The following DAGLB variants were observed in gnomAD, a reference collection of about 807,000 sequenced individuals.
DAGLB encodes the protein diacylglycerol lipase-beta.
In DAGLB, 66 loss-of-function variants were observed where a neutral mutation model predicts 72.1. That is an observed-to-expected ratio of 0.92 (90% confidence interval 0.75 to 1.12). DAGLB has a LOEUF of 1.12. DAGLB is among the 50% of genes most tolerant of loss of function. The probability of loss-of-function intolerance (pLI) is 0.00; values close to 1 mark genes in which losing one functional copy is unlikely to be tolerated. For missense variants in DAGLB, 1,065 were observed against 884.9 expected (o/e 1.20, Z -2.58); for synonymous variants, 414 against 359.5 (o/e 1.15, Z -1.71).
At chr7:6,440,801 G>A (rs539865870) in intron 2 of DAGLB, among the ~76,000 whole-genome samples, 108 of 152,092 alleles carry the variant, frequency 7.1e-4, no homozygotes, top group African/African-American at 2.2e-3. Flanking sequence ...CCTGGGAGGC[G>A]GAGGTTGCAG....
intron 9 of DAGLB, among the ~76,000 whole-genome samples, chr7:6,418,342 C>T (rs1783985766): frequency 6.6e-6 from 1 of 151,874 alleles, no homozygotes; most frequent in Non-Finnish European, 1.5e-5. Context: ...GCACTCCAGC[C>T]TGGGTGGCAC....
chr7:6,428,315 CAAAA>C (rs749361631), intron 6 of DAGLB, among the ~76,000 whole-genome samples: 2 of 77,012 alleles, frequency 2.6e-5, no homozygotes, highest in Non-Finnish European at 5.1e-5. Flanking sequence ...GACTCTGTCT[CAAAA>C]AAAAAAAAAA....
chr7:6,446,725 T>A (rs1036545716), intron 1 of DAGLB, among the ~76,000 whole-genome samples: 3 of 150,110 alleles, frequency 2.0e-5, no homozygotes, highest in African/African-American at 7.3e-5. Context: ...ATAAAAGATC[T>A]AGGCCCGGCA....
At chr7:6,415,429 G>A (rs964433050) in intron 11 of DAGLB, among the ~76,000 whole-genome samples, 1 of 151,820 alleles carries the variant, frequency 6.6e-6, no homozygotes, top group African/African-American at 2.4e-5. Flanking sequence ...ACAGGCATGA[G>A]CCACCACGCC....
intron 1 of DAGLB, among the ~76,000 whole-genome samples, chr7:6,447,023 G>A (rs1413787660): frequency 1.3e-5 from 2 of 152,082 alleles, no homozygotes; most frequent in South Asian, 2.1e-4. Flanking sequence ...AAAATAAAAA[G>A]AAAAGGGGTC....
intron 5 of DAGLB, among the ~76,000 whole-genome samples, chr7:6,431,413 C>A (rs1784485166): frequency 6.6e-6 from 1 of 152,162 alleles, no homozygotes; most frequent in African/African-American, 2.4e-5. Flanking sequence ...GTCCCCATCC[C>A]AGGAGGAATT....
intron 6 of DAGLB, among the ~76,000 whole-genome samples, chr7:6,426,677 G>A (rs901559798): frequency 1.3e-5 from 2 of 152,190 alleles, no homozygotes; most frequent in Non-Finnish European, 2.9e-5. Context: ...TCATCAACAA[G>A]GATGGGCAAG....
At chr7:6,432,766 G>A in intron 5 of DAGLB, 71 bp downstream of exon 5, 3 of 1,538,680 alleles carry the variant, frequency 1.9e-6, no homozygotes, top group Non-Finnish European at 1.7e-6. Flanking sequence ...CTATAGGTTA[G>A]CTGTATGATT....
At chr7:6,428,315 CAAAAAAAAA>C (rs749361631) in intron 6 of DAGLB, among the ~76,000 whole-genome samples, 1 of 77,014 alleles carries the variant, frequency 1.3e-5, no homozygotes, top group African/African-American at 4.8e-5. Flanking sequence ...GACTCTGTCT[CAAAAAAAAA>C]AAAAAAAAAA....
At chr7:6,444,033 G>T (rs372486842) in intron 2 of DAGLB, among the ~76,000 whole-genome samples, 1 of 152,148 alleles carries the variant, frequency 6.6e-6, no homozygotes, top group East Asian at 1.9e-4. Flanking sequence ...TTGGGAGACC[G>T]AGACGAGAGG....
intron 2 of DAGLB, among the ~76,000 whole-genome samples, chr7:6,440,050 T>C (rs1324697941): frequency 1.0e-4 from 9 of 86,312 alleles, no homozygotes; most frequent in Admixed American, 7.4e-4. Flanking sequence ...AGACTCTGTC[T>C]CAAAAAAAAA....
Position 6,434,965 on chromosome 7 carries a change from C to G in DAGLB, c.475G>C (p.Gly159Arg). Reference sequence around the variant, plus strand: ...GAGGAATATGGAGCCATTTTCCCCCCAAGAGGGTCAAAGACAATGATAATG... The same window carrying G: ...GAGGAATATGGAGCCATTTTCCCCCGAAGAGGGTCAAAGACAATGATAATG... ...VSIIIVFDPLGGKMAPYSSAG... is the reference protein window; with the variant it reads ...VSIIIVFDPLRGKMAPYSSAG... The change falls in exon 4 of 15, where the codon GGG becomes CGG. Residue 159 changes from glycine to arginine, a missense_variant. Gly to Arg is a moderately radical substitution (Grantham distance 125). Coordinates refer to ENST00000297056, the MANE Select transcript of DAGLB (RefSeq NM_139179.4). The G allele has an allele frequency of 1.2e-6, 2 of 1,614,068 alleles. No homozygotes were observed. Among genetic ancestry groups the G allele is most frequent in the Non-Finnish European group, 1.7e-6 (2 of 1,180,024 alleles).
chr7:6,437,699 A>T (rs1187180950), intron 2 of DAGLB, among the ~76,000 whole-genome samples: 1 of 152,048 alleles, frequency 6.6e-6, no homozygotes, highest in Non-Finnish European at 1.5e-5. Context: ...CCCAGGCTGG[A>T]GTGCAGTAGT....
chr7:6,445,270 T>C (rs1011348654), intron 2 of DAGLB, among the ~76,000 whole-genome samples: 2 of 152,224 alleles, frequency 1.3e-5, no homozygotes, highest in Non-Finnish European at 2.9e-5. Context: ...ATGTGGTCCA[T>C]TCATTCGATG....
chr7:6,425,976 C>T lies in DAGLB; in HGVS notation c.1056+12G>A, dbSNP rs1432270593. 3 of 1,613,408 alleles carry T rather than the reference C, an allele frequency of 1.9e-6. No homozygotes were observed. The highest frequency in any genetic ancestry group is 1.1e-5 in the South Asian group (1 of 91,054). On this transcript the variant is annotated intron_variant, in intron 7 of 14. Coordinates refer to ENST00000297056, the MANE Select transcript of DAGLB (RefSeq NM_139179.4). ...AAAAGAAGTGAAGAGCCGCTGTCTGCAGCGTCCACACCTTGTCATGGAAGC... is the reference window on the plus strand; with the variant it reads ...AAAAGAAGTGAAGAGCCGCTGTCTGTAGCGTCCACACCTTGTCATGGAAGC...
chr7:6,411,491 G>A (rs559159950), intron 13 of DAGLB, among the ~76,000 whole-genome samples: 5 of 152,262 alleles, frequency 3.3e-5, no homozygotes, highest in East Asian at 3.9e-4. Flanking sequence ...GTGTGTTGGC[G>A]CATGCCTGTA....
At chr7:6,425,709 G>C (rs1353830027) in intron 7 of DAGLB, among the ~76,000 whole-genome samples, 1 of 152,158 alleles carries the variant, frequency 6.6e-6, no homozygotes, top group Non-Finnish European at 1.5e-5. Context: ...TTAATACTGA[G>C]GGATTTCACT....
Position 6,409,575 on chromosome 7 carries a change from G to C in DAGLB, c.*262C>G, listed in dbSNP as rs1359517734. 2 of 532,126 alleles carry C rather than the reference G, an allele frequency of 3.8e-6. No homozygotes were observed. Among genetic ancestry groups the C allele is most frequent in the African/African-American group, 1.9e-5 (1 of 52,444 alleles). 33.0% of individuals were successfully genotyped at this position (532,126 alleles called of 1,614,324 possible). Reference sequence around the variant, plus strand: ...AGCCAAGGGATCCATCCACGGGCCAGGGCTTCCCGAGGCTGTCTCCACGGT... The same window carrying C: ...AGCCAAGGGATCCATCCACGGGCCACGGCTTCCCGAGGCTGTCTCCACGGT... On this transcript the variant is annotated 3_prime_UTR_variant, in exon 15 of 15. Coordinates refer to ENST00000297056, the MANE Select transcript of DAGLB (RefSeq NM_139179.4).
At chr7:6,415,631 A>T (rs1393525246) in intron 11 of DAGLB, among the ~76,000 whole-genome samples, 4 of 148,752 alleles carry the variant, frequency 2.7e-5, no homozygotes, top group Non-Finnish European at 2.9e-5. Context: ...AGGTCAGAAG[A>T]CAGGAGATCG....
Sources: allele counts gnomAD v4.1 joint callset (sites outside exome capture counted in the v4.1 genomes callset), GRCh38; gene constraint gnomAD v4.1.1; transcripts MANE v1.5; gene names NCBI Gene and HGNC (gene_info 2026-07-23, HGNC 2026-07-21).